TMTC3: variants seen among roughly 807,000 people sequenced by gnomAD.
The protein encoded by TMTC3 is protein O-mannosyl-transferase TMTC3.
Under a neutral mutation model 92.2 loss-of-function variants are expected in TMTC3, and 52 were observed. The observed-to-expected ratio is 0.56, with a 90% CI of 0.45 to 0.71. The LOEUF is 0.71. Ranked by LOEUF, TMTC3 falls within the 30% of genes least tolerant of loss-of-function variation. TMTC3 has a pLI of 0.00. For missense variants in TMTC3, 896 were observed against 1,057.1 expected (o/e 0.85, Z 2.11); for synonymous variants, 339 against 363.3 (o/e 0.93, Z 0.76).
intron 9 of TMTC3, 67 bp downstream of exon 9, chr12:88,174,794 G>C (rs1050565174): frequency 1.3e-5 from 20 of 1,580,032 alleles, no homozygotes; most frequent in Non-Finnish European, 1.6e-5. Context: ...TTTCTAAGCT[G>C]TTTTAACTTT....
At chr12:88,151,876 T>C (rs2040947412) in intron 2 of TMTC3, among the ~76,000 whole-genome samples, 1 of 152,176 alleles carries the variant, frequency 6.6e-6, no homozygotes, top group South Asian at 2.1e-4. Flanking sequence ...GTAAAGGAAT[T>C]AGGCAAGCAG....
In TMTC3 at chr12:88,161,003, A is replaced by G. The variant is rs560496532; in HGVS notation, c.797+152A>G. On this transcript the variant is annotated intron_variant, in intron 6 of 13. Transcript: ENST00000266712. ...TTTAAACTGCATATATTTAAAATTT[A>G]TGTACTGATAATTTTTGACATATGT... The G allele has an allele frequency of 4.4e-4, 337 of 761,734 alleles. 2 individuals carry two copies. The highest frequency in any genetic ancestry group is 4.1e-3 in the South Asian group (200 of 49,274). 47.2% of individuals were successfully genotyped at this position (761,734 alleles called of 1,614,324 possible).
At position 88,193,918 on chromosome 12, in the gene TMTC3, T is replaced by TA. The variant is rs2041473355; in HGVS notation, c.1934-919dup. On this transcript the variant is annotated intron_variant, in intron 13 of 13. Transcript: ENST00000266712. The stretch of plus-strand genomic sequence containing the variant: ...TTGGCTTTTTTTTTGCAATAGAAAT[T>TA]ATCTCAATGGAGATTTGTTTCCTGC... 1.3e-5 allele frequency among the ~76,000 whole-genome samples: 2 copies of TA among 152,154 alleles called. 1 individual carries two copies. Among genetic ancestry groups the TA allele is most frequent in the African/African-American group, 4.8e-5 (2 of 41,436 alleles).
At position 88,192,825 on chromosome 12, in the gene TMTC3, A is replaced by C; in HGVS notation, c.1928A>C (p.Glu643Ala). 3 of 1,604,524 alleles carry C rather than the reference A, an allele frequency of 1.9e-6. No homozygotes were observed. Among genetic ancestry groups the C allele is most frequent in the Non-Finnish European group, 2.6e-6 (3 of 1,175,250 alleles). ...TTCAACTCTGCTATAGTAATGCAAG[A>C]ATCAGGTATGTTTTCTCAAAATATT... Reference protein sequence around the residue: ...ALFNSAIVMQESGEVKLRPEA... With the variant: ...ALFNSAIVMQASGEVKLRPEA... Residue 643 changes from glutamate (E) to alanine (A), a missense_variant, in exon 13 of 14, where the codon GAA becomes GCA. Physicochemically the swap from Glu to Ala is moderately radical, Grantham distance 107. Coordinates refer to ENST00000266712, the MANE Select transcript of TMTC3 (RefSeq NM_181783.4).
At chr12:88,190,363 G>A in intron 11 of TMTC3, 90 bp from the exon 12 acceptor site, 1 of 1,175,668 alleles carries the variant, frequency 8.5e-7, no homozygotes, top group Non-Finnish European at 1.2e-6. Context: ...AGTATGTTCT[G>A]AGTTATTTTG....
At chr12:88,180,710 G>A (rs1048018211) in intron 10 of TMTC3, among the ~76,000 whole-genome samples, 6 of 152,046 alleles carry the variant, frequency 3.9e-5, no homozygotes, top group African/African-American at 1.2e-4. Flanking sequence ...GGGTCCTAGC[G>A]ACACCATAGT....
At position 88,160,228 on chromosome 12, in the gene TMTC3, G is replaced by A; in HGVS notation, c.623G>A (p.Gly208Glu). The A allele has an allele frequency of 6.7e-7, 1 of 1,496,842 alleles. No individual in the cohort carries two copies. Among genetic ancestry groups the A allele is most frequent in the South Asian group, 1.4e-5 (1 of 69,612 alleles). The allele number at this position is 1,496,842 out of a possible 1,614,324, so 92.7% of individuals were successfully genotyped here. Residue 208 changes from glycine to glutamate, a missense_variant and splice_region_variant, in exon 5 of 14, where the codon GGG (glycine) becomes GAG (glutamate). Coordinates refer to ENST00000266712, the MANE Select transcript of TMTC3 (RefSeq NM_181783.4). ...CCVYEVFIAQ[G>E]YTLPLLCTTA... ...GTGTATGAAGTGTTTATTGCCCAGG[G>A]GGTAAGCCAAACTATAAATATATAA...
In TMTC3 at chr12:88,172,577, T is replaced by A; in HGVS notation, c.1051-20T>A. 2.3e-6 allele frequency: 3 copies of A among 1,307,026 alleles called. No individual in the cohort carries two copies. The highest frequency in any genetic ancestry group is 1.5e-5 in the African/African-American group (1 of 65,424). 81.0% of individuals were successfully genotyped at this position (1,307,026 alleles called of 1,614,324 possible). ...TTTAAATTTATTATAAATTATTAAA[T>A]CTTCTTTTTTTTTTTGTAGGCGCTT... On this transcript the variant is annotated intron_variant, in intron 7 of 13. Transcript: ENST00000266712.
In TMTC3 at chr12:88,196,513, A is replaced by G. The variant is rs1183346809; in HGVS notation, c.*864A>G. 6.6e-6 allele frequency: 1 copy of G among 151,856 alleles called. No individual in the cohort carries two copies. Among genetic ancestry groups the G allele is most frequent in the Non-Finnish European group, 1.5e-5 (1 of 67,782 alleles). 9.4% of individuals were successfully genotyped at this position (151,856 alleles called of 1,614,324 possible). On this transcript the variant is annotated 3_prime_UTR_variant, in exon 14 of 14. Transcript: ENST00000266712. Reference sequence around the variant, plus strand: ...TTATAACGTAGTAAACTTCTCTTTCATCTTTGTGTTAGCTCTGTAGTCTTA... The same window carrying G: ...TTATAACGTAGTAAACTTCTCTTTCGTCTTTGTGTTAGCTCTGTAGTCTTA...
chr12:88,163,878 C>T (rs1486054246), intron 6 of TMTC3, among the ~76,000 whole-genome samples: 1 of 152,042 alleles, frequency 6.6e-6, no homozygotes, highest in African/African-American at 2.4e-5. Flanking sequence ...ATGGGTATTT[C>T]CTCACATATA....
chr12:88,162,379 T>C (rs2041090406), intron 6 of TMTC3, among the ~76,000 whole-genome samples: 1 of 152,204 alleles, frequency 6.6e-6, no homozygotes, highest in African/African-American at 2.4e-5. Flanking sequence ...GTTTAGCTAG[T>C]CTTCAAATAT....
intron 10 of TMTC3, among the ~76,000 whole-genome samples, chr12:88,186,369 G>C (rs928899725): frequency 6.6e-6 from 1 of 152,098 alleles, no homozygotes; most frequent in African/African-American, 2.4e-5. Flanking sequence ...TCTAAACAAA[G>C]TTCCTTTGTT....
At chr12:88,149,579 A>G (rs1376110083) in intron 2 of TMTC3, among the ~76,000 whole-genome samples, 2 of 152,216 alleles carry the variant, frequency 1.3e-5, no homozygotes, top group Non-Finnish European at 2.9e-5. Context: ...GAATTATTTT[A>G]TCTACACTAC....
intron 10 of TMTC3, among the ~76,000 whole-genome samples, chr12:88,183,365 T>C (rs996202295): frequency 2.6e-5 from 4 of 152,214 alleles, no homozygotes; most frequent in African/African-American, 9.7e-5. Context: ...AATGAGTTCA[T>C]ATACCCCATT....
chr12:88,164,764 C>T (rs372972769), intron 6 of TMTC3, among the ~76,000 whole-genome samples: 8 of 152,088 alleles, frequency 5.3e-5, no homozygotes, highest in Non-Finnish European at 1.0e-4. Flanking sequence ...GTTACATGAT[C>T]GTGCATTGCT....
At chr12:88,166,257 G>T (rs1252235842) in intron 6 of TMTC3, 73 bp from the exon 7 acceptor site, 15 of 1,375,088 alleles carry the variant, frequency 1.1e-5, no homozygotes, top group Non-Finnish European at 1.5e-5. Flanking sequence ...TTATTGTTTA[G>T]TGTTTTACTT....
At chr12:88,187,166 G>GT (rs1310807638) in intron 10 of TMTC3, among the ~76,000 whole-genome samples, 13 of 119,468 alleles carry the variant, frequency 1.1e-4, no homozygotes, top group East Asian at 2.0e-4. Context: ...GATTTATCTG[G>GT]TAAAAAAAAA....
chr12:88,175,212 C>T (rs984476490), intron 9 of TMTC3, among the ~76,000 whole-genome samples: 1 of 150,816 alleles, frequency 6.6e-6, no homozygotes, highest in African/African-American at 2.4e-5. Flanking sequence ...GGAAGATAAC[C>T]AGTGGTTACA....
At chr12:88,157,896 A>G (rs1326530300) in intron 4 of TMTC3, among the ~76,000 whole-genome samples, 1 of 152,170 alleles carries the variant, frequency 6.6e-6, no homozygotes, top group Non-Finnish European at 1.5e-5. Flanking sequence ...TCAGTAAGAC[A>G]TTTGCATTTA....
Sources: allele counts gnomAD v4.1 joint callset (sites outside exome capture counted in the v4.1 genomes callset), GRCh38; gene constraint gnomAD v4.1.1; transcripts MANE v1.5; gene names NCBI Gene and HGNC (gene_info 2026-07-23, HGNC 2026-07-21).